Variants in PSMC2 observed in about 807,000 individuals in gnomAD.
PSMC2 encodes the protein proteasome 26S subunit, ATPase 2, also known as 26S proteasome regulatory subunit 7.
A neutral mutation model predicts 53.3 loss-of-function variants in PSMC2; 7 were observed. That is an observed-to-expected ratio of 0.13 (90% confidence interval 0.07 to 0.25). The LOEUF is 0.25. Among genes scored for constraint, PSMC2 ranks in the 10% least tolerant of loss-of-function variants. The pLI is 1.00. For missense variants in PSMC2, 241 were observed against 544.0 expected (o/e 0.44, Z 5.54); for synonymous variants, 169 against 183.9 (o/e 0.92, Z 0.66).
intron 5 of PSMC2, chr7:103,362,413 C>T: frequency 7.4e-7 from 1 of 1,345,992 alleles, no homozygotes; most frequent in Non-Finnish European, 9.5e-7. Context: ...GTGTTAATGT[C>T]TATAGAATAC....
Position 103,359,314 on chromosome 7 carries a change from T to A in PSMC2, c.291-2643T>A, listed in dbSNP as rs529270696. Among the ~76,000 whole-genome samples, 154 of 152,108 alleles carry A rather than the reference T, an allele frequency of 1.0e-3. 1 individual carries two copies. Among genetic ancestry groups the A allele is most frequent in the Non-Finnish European group, 1.9e-3 (130 of 67,980 alleles). On this transcript the variant is annotated intron_variant, in intron 4 of 11. Coordinates refer to ENST00000292644, the MANE Select transcript of PSMC2 (RefSeq NM_002803.4). Reference sequence around the variant, plus strand: ...TGCCCAGCCAGCTTATGAATTTTTTTAATAACAATCTTACTGATATAAAAT... The same window carrying A: ...TGCCCAGCCAGCTTATGAATTTTTTAAATAACAATCTTACTGATATAAAAT...
intron 1 of PSMC2, among the ~76,000 whole-genome samples, chr7:103,350,822 C>T (rs1023698175): frequency 2.0e-5 from 3 of 152,150 alleles, no homozygotes; most frequent in Non-Finnish European, 4.4e-5. Context: ...AAACTTCTTG[C>T]ACTTTAGTTT....
chr7:103,361,875 C>T (rs1323056342), intron 4 of PSMC2, 82 bp from the exon 5 acceptor site: 11 of 1,356,960 alleles, frequency 8.1e-6, no homozygotes, highest in Non-Finnish European at 4.0e-6. Flanking sequence ...GTATATTGCA[C>T]ACTCAGGATA....
intron 4 of PSMC2, among the ~76,000 whole-genome samples, chr7:103,356,302 A>G (rs1405573248): frequency 6.6e-6 from 1 of 152,216 alleles, no homozygotes; most frequent in African/African-American, 2.4e-5. Flanking sequence ...GTTACTATAC[A>G]CAGTGCTGTA....
At position 103,362,676 on chromosome 7, in the gene PSMC2, A is replaced by G; in HGVS notation, c.423-10A>G. 1.9e-6 allele frequency: 3 copies of G among 1,593,064 alleles called. No homozygotes were observed. The highest frequency in any genetic ancestry group is 2.6e-6 in the Non-Finnish European group (3 of 1,161,500). ...GAATGTATTAATGACTATCTTTTTT[A>G]CTTCCTTAGCGTGGATAGAAATAAA... On this transcript the variant is annotated splice_polypyrimidine_tract_variant and intron_variant, in intron 5 of 11. Transcript: ENST00000292644.
intron 4 of PSMC2, among the ~76,000 whole-genome samples, chr7:103,360,227 C>G (rs1820301605): frequency 6.6e-6 from 1 of 152,044 alleles, no homozygotes; most frequent in Non-Finnish European, 1.5e-5. Flanking sequence ...CATCTCATAA[C>G]TTTTTGGTGA....
At chr7:103,348,502 C>T in intron 1 of PSMC2, 1 of 634,974 alleles carries the variant, frequency 1.6e-6, no homozygotes, top group Non-Finnish European at 2.9e-6. Flanking sequence ...TATGCGTATA[C>T]AGTAATGTAT....
chr7:103,352,922 G>A (rs372931810), intron 1 of PSMC2: 2 of 780,820 alleles, frequency 2.6e-6, no homozygotes, highest in Non-Finnish European at 4.8e-6. Flanking sequence ...ATCTCTGTAT[G>A]AAAGCTGAAA....
chr7:103,363,066 T>A (rs1298430429), intron 6 of PSMC2, among the ~76,000 whole-genome samples: 3 of 152,206 alleles, frequency 2.0e-5, no homozygotes, highest in Non-Finnish European at 4.4e-5. Context: ...AGTGCTGGGA[T>A]TCCAGGCGTG....
At chr7:103,350,835 A>G (rs1291824215) in intron 1 of PSMC2, among the ~76,000 whole-genome samples, 6 of 152,064 alleles carry the variant, frequency 3.9e-5, no homozygotes, top group African/African-American at 1.4e-4. Context: ...TTTAGTTTCT[A>G]TCTATATAAA....
Position 103,354,834 on chromosome 7 carries a change from T to C in PSMC2, c.109-34T>C, listed in dbSNP as rs761384552. On this transcript the variant is annotated intron_variant, in intron 2 of 11. Transcript: ENST00000292644. ...TAGTTTTAATAAATGGTTGATATCC[T>C]GATATTCTAACTAAACTGACCTTCA... 1.1e-5 allele frequency: 15 copies of C among 1,374,806 alleles called. No individual in the cohort carries two copies. In the South Asian group the frequency reaches 1.5e-4, roughly 13 times the overall value. 85.2% of individuals were successfully genotyped at this position (1,374,806 alleles called of 1,614,324 possible). A position where few individuals can be genotyped will look rare whatever the true frequency, so the allele number is the denominator to read the frequency against.
chr7:103,351,933 G>T, intron 1 of PSMC2, among the ~76,000 whole-genome samples: 1 of 151,198 alleles, frequency 6.6e-6, no homozygotes. Flanking sequence ...TCTTTTCATT[G>T]CTACCATTTT....
intron 8 of PSMC2, among the ~76,000 whole-genome samples, chr7:103,365,263 G>T (rs190339167): frequency 1.5e-3 from 233 of 152,204 alleles, no homozygotes; most frequent in African/African-American, 5.2e-3. Flanking sequence ...ACAGAATCAT[G>T]AAAATGACTT....
At chr7:103,354,454 C>T (rs190628744) in intron 2 of PSMC2, among the ~76,000 whole-genome samples, 25 of 151,290 alleles carry the variant, frequency 1.7e-4, no homozygotes, top group African/African-American at 5.6e-4. Flanking sequence ...CTGCAACCTC[C>T]GCCTCCTGGG....
At chr7:103,347,816 C>G in intron 1 of PSMC2, 35 bp downstream of exon 1, 2 of 1,611,100 alleles carry the variant, frequency 1.2e-6, no homozygotes, top group Non-Finnish European at 1.7e-6. Flanking sequence ...GGAGCTGGGG[C>G]GGGACTGGAG....
intron 1 of PSMC2, among the ~76,000 whole-genome samples, chr7:103,349,558 C>T (rs1165852294): frequency 6.6e-6 from 1 of 151,976 alleles, no homozygotes; most frequent in Non-Finnish European, 1.5e-5. Flanking sequence ...AAGGGATTCT[C>T]CTGCCTCAAC....
chr7:103,363,213 A>G, intron 6 of PSMC2, 131 bp from the exon 7 acceptor site: 1 of 675,254 alleles, frequency 1.5e-6, no homozygotes. Context: ...GGCACTGGGC[A>G]ATGTATTCAA....
chr7:103,347,874 C>T, intron 1 of PSMC2, 93 bp downstream of exon 1: 1 of 1,414,322 alleles, frequency 7.1e-7, no homozygotes, highest in South Asian at 1.2e-5. Context: ...GCTCCTGGCT[C>T]TGTGCTCTGG....
chr7:103,347,880 T>C, intron 1 of PSMC2, 99 bp downstream of exon 1: 1 of 1,372,626 alleles, frequency 7.3e-7, no homozygotes, highest in Non-Finnish European at 1.0e-6. Context: ...GGCTCTGTGC[T>C]CTGGCCCTTT....
Sources: allele counts gnomAD v4.1 joint callset (sites outside exome capture counted in the v4.1 genomes callset), GRCh38; gene constraint gnomAD v4.1.1; transcripts MANE v1.5; gene names NCBI Gene and HGNC (gene_info 2026-07-23, HGNC 2026-07-21).